The following NUP58 variants were observed in gnomAD, a reference collection of about 807,000 sequenced individuals.
The protein encoded by NUP58 is nucleoporin 58, also known as nucleoporin p58/p45.
A neutral mutation model predicts 70.1 loss-of-function variants in NUP58; 17 were observed. That is an observed-to-expected ratio of 0.24 (90% CI 0.17 to 0.36). The LOEUF is 0.36. NUP58 is among the 10% of genes least tolerant of loss of function. The pLI, the probability that NUP58 is intolerant of heterozygous loss-of-function variation, is 1.00. For missense variants in NUP58, 644 were observed against 701.5 expected (o/e 0.92, Z 0.93); for synonymous variants, 275 against 257.6 (o/e 1.07, Z -0.65).
intron 9 of NUP58, among the ~76,000 whole-genome samples, chr13:25,322,734 C>G (rs1593189251): frequency 6.6e-6 from 1 of 152,222 alleles, no homozygotes; most frequent in Non-Finnish European, 1.5e-5. Context: ...AAATCCAAAA[C>G]ACTTCTGGTC....
chr13:25,324,631 T>C (rs1190288361), intron 9 of NUP58, among the ~76,000 whole-genome samples: 1 of 152,166 alleles, frequency 6.6e-6, no homozygotes, highest in Non-Finnish European at 1.5e-5. Flanking sequence ...TCAACATTAT[T>C]ATTGCCACCT....
chr13:25,343,534 C>T (rs11841662), downstream of NUP58, among the ~76,000 whole-genome samples: 4,380 of 150,388 alleles, frequency 0.029, 184 homozygotes, highest in African/African-American at 0.099. Context: ...CTCACTGCAG[C>T]CTCTGCCTCC....
At chr13:25,343,845 A>G (rs1002665329), downstream of NUP58, among the ~76,000 whole-genome samples, 10 of 147,164 alleles carry the variant, frequency 6.8e-5, no homozygotes, top group South Asian at 2.2e-4. Context: ...ATATATACGC[A>G]CACACACACA....
At chr13:25,308,515 G>T (rs1165643431) in intron 2 of NUP58, among the ~76,000 whole-genome samples, 1 of 150,278 alleles carries the variant, frequency 6.7e-6, no homozygotes, top group Admixed American at 6.6e-5. Context: ...TAGAGAAGAG[G>T]TCTCCTCCTG....
chr13:25,315,541 T>C lies in NUP58; in HGVS notation c.685+74T>C, dbSNP rs192399000. 2.7e-3 allele frequency: 2,625 copies of C among 984,626 alleles called. 9 individuals are homozygous for C. The highest frequency in any genetic ancestry group is 0.012 in the Middle Eastern group (57 of 4,604). The allele number at this position is 984,626 out of a possible 1,614,324, so 61.0% of individuals were successfully genotyped here. On this transcript the variant is annotated intron_variant, in intron 6 of 15. Transcript: ENST00000381736. ...ATGTCTAGGTTGCTCAAAATTCCTT[T>C]GTGTGGAAGATTAGCAGTTATATAT...
At position 25,305,130 on chromosome 13, in the gene NUP58, G is replaced by GTTT. The variant is rs562132125; in HGVS notation, c.108-2647_108-2645dup. Among the ~76,000 whole-genome samples, 577 of 58,468 alleles carry GTTT rather than the reference G, an allele frequency of 9.9e-3. 42 individuals carry two copies. Among genetic ancestry groups the GTTT allele is most frequent in the East Asian group, 0.039 (74 of 1,910 alleles). The allele number at this position is 58,468 out of a possible 152,430, so 38.4% of individuals were successfully genotyped here. ...GACTAAATGTTTAAAGATCTGTGGG[G>GTTT]TTTTTTTTTTTTTTTTTTTTTTTTT... is the stretch of plus-strand genomic sequence containing the variant. On this transcript the variant is annotated intron_variant, in intron 1 of 15. Coordinates refer to ENST00000381736, the MANE Select transcript of NUP58 (RefSeq NM_014089.4).
intron 13 of NUP58, 32 bp downstream of exon 13, chr13:25,331,590 T>C (rs538072843): frequency 7.5e-6 from 12 of 1,604,954 alleles, no homozygotes; most frequent in Non-Finnish European, 1.0e-5. Flanking sequence ...AGCTTCTTAC[T>C]GTTCCAATGC....
Position 25,341,793 on chromosome 13 carries a change from A to G in NUP58, c.*1659A>G, listed in dbSNP as rs1031623369. The stretch of plus-strand genomic sequence containing the variant: ...ATGTGAACATGGAATTTCATTGAAA[A>G]TAGTTTAATTTTTTATATAAAAGGT... On this transcript the variant is annotated 3_prime_UTR_variant, in exon 16 of 16. Coordinates refer to ENST00000381736, the MANE Select transcript of NUP58 (RefSeq NM_014089.4). 1.3e-5 allele frequency: 2 copies of G among 152,630 alleles called. No homozygotes were observed. The highest frequency in any genetic ancestry group is 2.9e-5 in the Non-Finnish European group (2 of 68,038). The allele number at this position is 152,630 out of a possible 1,614,324, so 9.5% of individuals were successfully genotyped here.
intron 1 of NUP58, chr13:25,303,008 G>A (rs2137697398): frequency 2.2e-6 from 1 of 456,492 alleles, no homozygotes; most frequent in Middle Eastern, 3.3e-4. Flanking sequence ...CTCTGTTTTA[G>A]GTATTAAGAG....
intron 13 of NUP58, chr13:25,334,579 T>G: frequency 1.0e-6 from 1 of 985,074 alleles, no homozygotes; most frequent in Non-Finnish European, 1.2e-6. Context: ...AAGAGTAAAA[T>G]TTTTCAAACT....
chr13:25,305,533 A>G (rs2030304752), intron 1 of NUP58, among the ~76,000 whole-genome samples: 1 of 152,074 alleles, frequency 6.6e-6, no homozygotes, highest in African/African-American at 2.4e-5. Context: ...CCTCGCCTTC[A>G]TATGCCCAAG....
intron 5 of NUP58, 109 bp from the exon 6 acceptor site, chr13:25,315,248 T>C (rs2030871681): frequency 1.3e-6 from 1 of 792,696 alleles, no homozygotes; most frequent in East Asian, 2.5e-5. Context: ...CTAAATCAAA[T>C]ATGAAGAAAA....
intron 12 of NUP58, among the ~76,000 whole-genome samples, chr13:25,329,962 A>G (rs1169467013): frequency 4.6e-5 from 7 of 152,162 alleles, no homozygotes; most frequent in Admixed American, 2.6e-4. Context: ...TTGAGTAGCT[A>G]GGACTACAGG....
rs1040779781 is a variant in NUP58 at position 25,335,331 on chromosome 13, C to T, written c.1436-1605C>T. On this transcript the variant is annotated intron_variant, in intron 13 of 15. Coordinates refer to ENST00000381736, the MANE Select transcript of NUP58 (RefSeq NM_014089.4). Reference sequence around the variant, plus strand: ...AAGCATGCTATTTGAGTAACTCTTACGACTTACAAGGCTGAGGGCTGTGGT... The same window carrying T: ...AAGCATGCTATTTGAGTAACTCTTATGACTTACAAGGCTGAGGGCTGTGGT... 1.9e-5 allele frequency: 19 copies of T among 985,288 alleles called. No individual in the cohort carries two copies. The East Asian group carries it at 6.8e-4, about 35-fold the overall frequency. The allele number at this position is 985,288 out of a possible 1,614,324, so 61.0% of individuals were successfully genotyped here. A position where few individuals can be genotyped will look rare whatever the true frequency, so the allele number is the denominator to read the frequency against.
chr13:25,305,898 T>C (rs2030328067), intron 1 of NUP58, among the ~76,000 whole-genome samples: 1 of 152,134 alleles, frequency 6.6e-6, no homozygotes, highest in South Asian at 2.1e-4. Context: ...GGAGAACTCT[T>C]CTGGCTTGGA....
chr13:25,343,805 G>GTGTATGTATATATA (rs770283276), downstream of NUP58, among the ~76,000 whole-genome samples: 1 of 137,664 alleles, frequency 7.3e-6, no homozygotes, highest in East Asian at 2.2e-4. Flanking sequence ...ACATATATAT[G>GTGTATGTATATATA]TATATATATA....
chr13:25,327,081 A>C, intron 11 of NUP58, 47 bp downstream of exon 11: 1 of 1,099,486 alleles, frequency 9.1e-7, no homozygotes, highest in Non-Finnish European at 1.4e-6. Flanking sequence ...TGTTTGTAGG[A>C]GATAGATGTG....
At chr13:25,305,815 C>A (rs1445245931) in intron 1 of NUP58, among the ~76,000 whole-genome samples, 1 of 151,962 alleles carries the variant, frequency 6.6e-6, no homozygotes, top group Non-Finnish European at 1.5e-5. Flanking sequence ...TCCTTGTCTC[C>A]CAGTGTTTGC....
chr13:25,344,518 C>T (rs1409635180), downstream of NUP58, among the ~76,000 whole-genome samples: 2 of 152,134 alleles, frequency 1.3e-5, no homozygotes, highest in African/African-American at 2.4e-5. Flanking sequence ...TTATCTTAGC[C>T]TTTTTGTTTG....
Sources: allele counts gnomAD v4.1 joint callset (sites outside exome capture counted in the v4.1 genomes callset), GRCh38; gene constraint gnomAD v4.1.1; transcripts MANE v1.5; gene names NCBI Gene and HGNC (gene_info 2026-07-23, HGNC 2026-07-21).